The following TMEM135 variants were observed in gnomAD, a reference collection of about 807,000 sequenced individuals.
TMEM135 encodes the protein transmembrane protein 135.
In TMEM135, 30 loss-of-function variants were observed where a neutral mutation model predicts 60.3. That is an observed-to-expected ratio of 0.50 (90% CI 0.37 to 0.68). The LOEUF (loss-of-function observed/expected upper bound fraction) is 0.68, where lower values mean the gene tolerates loss of function less well. Among genes scored for constraint, TMEM135 ranks in the 30% least tolerant of loss-of-function variants. TMEM135 has a pLI of 0.00. For missense variants in TMEM135, 468 were observed against 548.8 expected, an observed-to-expected ratio of 0.85 and a Z score of 1.47; for synonymous variants, 190 against 186.7, an observed-to-expected ratio of 1.02 and a Z score of -0.14.
intron 4 of TMEM135, among the ~76,000 whole-genome samples, chr11:87,138,088 CTT>C (rs10671410): frequency 2.9e-5 from 4 of 137,884 alleles, no homozygotes; most frequent in South Asian, 2.3e-4. Flanking sequence ...AAGTTGATTT[CTT>C]TTTTTTTTTT....
intron 13 of TMEM135, among the ~76,000 whole-genome samples, 193 bp downstream of exon 13, chr11:87,318,428 C>A (rs17213102): frequency 2.2e-3 from 325 of 151,144 alleles, no homozygotes; most frequent in Middle Eastern, 0.01. Flanking sequence ...TAACCTAATG[C>A]GCTAGGTCCT....
At chr11:87,124,491 A>C (rs758680797) in intron 4 of TMEM135, among the ~76,000 whole-genome samples, 4 of 152,092 alleles carry the variant, frequency 2.6e-5, no homozygotes, top group Non-Finnish European at 5.9e-5. Flanking sequence ...GCATGGCTCA[A>C]ATGTGACCTG....
intron 6 of TMEM135, among the ~76,000 whole-genome samples, chr11:87,242,314 A>G (rs574552983): frequency 5.9e-5 from 9 of 151,864 alleles, no homozygotes; most frequent in South Asian, 2.1e-4. Flanking sequence ...ATAAACATAC[A>G]CGTGCATGTG....
chr11:87,066,417 A>G (rs974718209), intron 1 of TMEM135, among the ~76,000 whole-genome samples: 8 of 152,254 alleles, frequency 5.3e-5, no homozygotes, highest in Admixed American at 4.6e-4. Flanking sequence ...CTAACACTTA[A>G]TCAGTCCTCA....
chr11:87,302,802 G>C (rs116275609), intron 8 of TMEM135, among the ~76,000 whole-genome samples: 5,505 of 152,266 alleles, frequency 0.036, 94 homozygotes, highest in Admixed American at 0.046. Flanking sequence ...GAGAGAGATT[G>C]AAGAAGATTA....
intron 4 of TMEM135, among the ~76,000 whole-genome samples, chr11:87,139,083 A>G (rs183240624): frequency 8.5e-5 from 13 of 152,236 alleles, no homozygotes; most frequent in East Asian, 7.7e-4. Flanking sequence ...CCCAGTTTCT[A>G]TGAATTTAAG....
chr11:87,311,441 A>C (rs185560571), intron 10 of TMEM135, among the ~76,000 whole-genome samples: 1 of 152,076 alleles, frequency 6.6e-6, no homozygotes, highest in Non-Finnish European at 1.5e-5. Context: ...TTCACATTTA[A>C]AAAAATTTCT....
chr11:87,120,245 A>C (rs1318922561), intron 4 of TMEM135, among the ~76,000 whole-genome samples: 2 of 150,852 alleles, frequency 1.3e-5, no homozygotes, highest in East Asian at 3.9e-4. Context: ...GACCACAGGC[A>C]TGCACCACTA....
At chr11:87,084,187 T>C (rs115850184) in intron 3 of TMEM135, among the ~76,000 whole-genome samples, 2,381 of 152,352 alleles carry the variant, frequency 0.016, 64 homozygotes, top group African/African-American at 0.053. Context: ...ATAATAATGC[T>C]TAGAATTTCA....
At chr11:87,244,828 G>T (rs1253639263) in intron 6 of TMEM135, among the ~76,000 whole-genome samples, 1 of 149,306 alleles carries the variant, frequency 6.7e-6, no homozygotes, top group African/African-American at 2.5e-5. Flanking sequence ...TTTTTTGAAG[G>T]GTTTTTTGTG....
intron 4 of TMEM135, among the ~76,000 whole-genome samples, chr11:87,118,564 T>C (rs1857955446): frequency 6.6e-6 from 1 of 152,072 alleles, no homozygotes; most frequent in Admixed American, 6.6e-5. Context: ...TCCTCCTGCC[T>C]TAGCCTCCCA....
chr11:87,139,708 A>G (rs577958943), intron 4 of TMEM135, among the ~76,000 whole-genome samples: 1 of 152,258 alleles, frequency 6.6e-6, no homozygotes, highest in South Asian at 2.1e-4. Context: ...TCTCACTATC[A>G]CTTGGTATTG....
At chr11:87,064,205 C>T (rs1280626221) in intron 1 of TMEM135, among the ~76,000 whole-genome samples, 1 of 150,452 alleles carries the variant, frequency 6.6e-6, no homozygotes, top group African/African-American at 2.4e-5. Context: ...TGGTATTTCT[C>T]TGATGACTAA....
At chr11:87,252,798 A>ATGTGTGTGTGTG (rs558272693) in intron 6 of TMEM135, among the ~76,000 whole-genome samples, 10,937 of 133,842 alleles carry the variant, frequency 0.082, 521 homozygotes, top group Non-Finnish European at 0.094. Flanking sequence ...TAAAATATAT[A>ATGTGTGTGTGTG]TGTGTGTGTG....
At chr11:87,110,106 G>T (rs1857704874) in intron 4 of TMEM135, among the ~76,000 whole-genome samples, 1 of 152,102 alleles carries the variant, frequency 6.6e-6, no homozygotes, top group Non-Finnish European at 1.5e-5. Flanking sequence ...GACCTGAGTG[G>T]CAGTGTACCC....
At chr11:87,316,258 C>G (rs761829463) in intron 12 of TMEM135, among the ~76,000 whole-genome samples, 7 of 149,720 alleles carry the variant, frequency 4.7e-5, no homozygotes, top group Non-Finnish European at 1.0e-4. Flanking sequence ...CTTGCTTTAC[C>G]CAAATATATG....
chr11:87,169,836 G>T (rs986005537), intron 5 of TMEM135, among the ~76,000 whole-genome samples: 20 of 152,194 alleles, frequency 1.3e-4, no homozygotes, highest in South Asian at 2.1e-4. Context: ...GCTTGAATTT[G>T]AATGTTGGCC....
intron 5 of TMEM135, among the ~76,000 whole-genome samples, chr11:87,218,258 C>T (rs1409392542): frequency 6.6e-6 from 1 of 152,138 alleles, no homozygotes; most frequent in Non-Finnish European, 1.5e-5. Flanking sequence ...AGGGATTTAA[C>T]TTAGAAGTGG....
At chr11:87,227,057 A>T (rs1940780666) in intron 5 of TMEM135, among the ~76,000 whole-genome samples, 1 of 152,164 alleles carries the variant, frequency 6.6e-6, no homozygotes, top group South Asian at 2.1e-4. Context: ...TCAAAAAAAG[A>T]AAAACAAAAA....
Sources: gnomAD v4.1 joint callset for allele counts (sites outside exome capture counted in the v4.1 genomes callset) on GRCh38, gnomAD v4.1.1 for gene constraint, MANE v1.5 for transcripts, NCBI Gene and HGNC (gene_info 2026-07-23, HGNC 2026-07-21) for gene names.